IRS1: variants seen among roughly 807,000 people sequenced by gnomAD.
IRS1 encodes insulin receptor substrate 1.
In IRS1, 34 loss-of-function variants were observed where a neutral mutation model predicts 65.6. The observed-to-expected ratio is 0.52, with a 90% CI of 0.39 to 0.69. The LOEUF (loss-of-function observed/expected upper bound fraction) is 0.69, where lower values mean the gene tolerates loss of function less well. Ranked by LOEUF, IRS1 falls within the 30% of genes least tolerant of loss-of-function variation. The pLI is 0.00. For missense variants in IRS1, 1,641 were observed against 1,720.2 expected (o/e 0.95, Z 0.81); for synonymous variants, 699 against 683.5 (o/e 1.02, Z -0.35).
intron 1 of IRS1, among the ~76,000 whole-genome samples, chr2:226,773,886 T>G (rs1174215243): frequency 6.6e-6 from 1 of 152,208 alleles, no homozygotes; most frequent in Non-Finnish European, 1.5e-5. Context: ...AAAGTACTTG[T>G]TGAGTGTTGA....
At chr2:226,783,754 T>C (rs1304371771) in intron 1 of IRS1, among the ~76,000 whole-genome samples, 1 of 152,232 alleles carries the variant, frequency 6.6e-6, no homozygotes, top group Non-Finnish European at 1.5e-5. Flanking sequence ...ATACAGATTT[T>C]CTAATAGTAT....
chr2:226,753,993 C>A (rs1438038510), intron 1 of IRS1, among the ~76,000 whole-genome samples: 1 of 152,060 alleles, frequency 6.6e-6, no homozygotes, highest in East Asian at 1.9e-4. Flanking sequence ...GCTGGGACTA[C>A]AAGCACATGC....
chr2:226,749,675 TA>T (rs544092329), intron 1 of IRS1, among the ~76,000 whole-genome samples: 31 of 152,282 alleles, frequency 2.0e-4, no homozygotes, highest in African/African-American at 7.2e-4. Context: ...ATCCAAGAAA[TA>T]AAATGAAAAC....
chr2:226,785,428 C>A (rs978446053), intron 1 of IRS1, among the ~76,000 whole-genome samples: 10 of 151,864 alleles, frequency 6.6e-5, no homozygotes, highest in Non-Finnish European at 1.3e-4. Context: ...CATGGTGAAA[C>A]CCTGTCTCTA....
At chr2:226,767,692 G>A (rs1939082802) in intron 1 of IRS1, among the ~76,000 whole-genome samples, 1 of 152,150 alleles carries the variant, frequency 6.6e-6, no homozygotes, top group African/African-American at 2.4e-5. Flanking sequence ...CTGCCGCTGT[G>A]GCAAGACTAA....
chr2:226,791,575 G>A (rs113050920), intron 1 of IRS1, among the ~76,000 whole-genome samples: 15,537 of 152,048 alleles, frequency 0.1, 1,462 homozygotes, highest in African/African-American at 0.25. Context: ...CCTGCGGCTC[G>A]GCCTGCGGGC....
chr2:226,745,708 G>T (rs1938528111), intron 1 of IRS1, among the ~76,000 whole-genome samples: 1 of 152,198 alleles, frequency 6.6e-6, no homozygotes, highest in South Asian at 2.1e-4. Context: ...TTAGCTCTTA[G>T]TGTAACTACT....
At chr2:226,778,264 CACT>C (rs1469719580) in intron 1 of IRS1, among the ~76,000 whole-genome samples, 6 of 151,812 alleles carry the variant, frequency 4.0e-5, no homozygotes, top group African/African-American at 1.5e-4. Flanking sequence ...TATTTGTCAC[CACT>C]ACTAAAATCA....
intron 1 of IRS1, among the ~76,000 whole-genome samples, chr2:226,749,898 G>T (rs1938639023): frequency 6.6e-6 from 1 of 152,136 alleles, no homozygotes; most frequent in Non-Finnish European, 1.5e-5. Context: ...CCATCAAAAA[G>T]TCTCAGGCCT....
chr2:226,783,772 T>G (rs1477750541), intron 1 of IRS1, among the ~76,000 whole-genome samples: 1 of 152,202 alleles, frequency 6.6e-6, no homozygotes, highest in African/African-American at 2.4e-5. Flanking sequence ...TATCTCTATT[T>G]TATCCCCTTG....
At chr2:226,773,475 T>C (rs1939200870) in intron 1 of IRS1, among the ~76,000 whole-genome samples, 1 of 152,018 alleles carries the variant, frequency 6.6e-6, no homozygotes, top group African/African-American at 2.4e-5. Context: ...ATCTGTATGA[T>C]CTAGCATGTC....
Position 226,798,921 on chromosome 2 carries a change from C to T in IRS1, c.-183G>A. 1 of 1,489,510 alleles carries T rather than the reference C, an allele frequency of 6.7e-7. No individual in the cohort carries two copies. The highest frequency in any genetic ancestry group is 8.9e-7 in the Non-Finnish European group (1 of 1,118,430). The allele number at this position is 1,489,510 out of a possible 1,614,324, so 92.3% of individuals were successfully genotyped here. A position where few individuals can be genotyped will look rare whatever the true frequency, so the allele number is the denominator to read the frequency against. On this transcript the variant is annotated 5_prime_UTR_variant, in exon 1 of 2. Transcript: ENST00000305123. The surrounding 1 kb of genome is among the most constrained non-coding windows in gnomAD (Gnocchi z 9.4). ...GGGCAGCTGAAGGAGGACGCAGCTG[C>T]TGAGCCCAGGAGAGAGCCCGACCGG...
intron 1 of IRS1, among the ~76,000 whole-genome samples, chr2:226,766,672 T>C (rs1350559768): frequency 1.3e-5 from 2 of 152,190 alleles, no homozygotes. Context: ...TAAAACTGGA[T>C]GAAGGATCAC....
At chr2:226,781,380 T>C (rs534838761) in intron 1 of IRS1, among the ~76,000 whole-genome samples, 6 of 152,030 alleles carry the variant, frequency 3.9e-5, no homozygotes, top group African/African-American at 1.2e-4. Flanking sequence ...TTTCCTAAAG[T>C]GGTGAGTAAC....
At chr2:226,765,272 T>C (rs1939010576) in intron 1 of IRS1, among the ~76,000 whole-genome samples, 1 of 152,208 alleles carries the variant, frequency 6.6e-6, no homozygotes, top group Non-Finnish European at 1.5e-5. Flanking sequence ...AAAAATCTGC[T>C]TAGACTTACC....
intron 1 of IRS1, among the ~76,000 whole-genome samples, chr2:226,756,752 A>G (rs1938811469): frequency 6.6e-6 from 1 of 152,144 alleles, no homozygotes. Flanking sequence ...TCACAAGGTC[A>G]AGATATAGAG....
intron 1 of IRS1, among the ~76,000 whole-genome samples, chr2:226,754,450 AT>A (rs1445202209): frequency 1.3e-5 from 2 of 152,206 alleles, no homozygotes; most frequent in African/African-American, 4.8e-5. Context: ...GCATTATTTC[AT>A]TTCATTCTCG....
intron 1 of IRS1, 142 bp from the exon 2 acceptor site, chr2:226,736,392 C>T (rs1938326096): frequency 6.6e-6 from 1 of 152,138 alleles, no homozygotes. Flanking sequence ...TAAATATGAT[C>T]AACAAACTGT....
intron 1 of IRS1, among the ~76,000 whole-genome samples, chr2:226,773,768 T>C (rs1324225252): frequency 6.6e-6 from 1 of 152,056 alleles, no homozygotes; most frequent in Non-Finnish European, 1.5e-5. Context: ...CCCCTCCCCA[T>C]CACATCTCCC....
Sources: allele counts gnomAD v4.1 joint callset (sites outside exome capture counted in the v4.1 genomes callset), GRCh38; gene constraint gnomAD v4.1.1; non-coding constraint Gnocchi (gnomAD v3.1); transcripts MANE v1.5; gene names NCBI Gene and HGNC (gene_info 2026-07-23, HGNC 2026-07-21).